Variants in MGST1 observed in about 807,000 individuals in gnomAD.
MGST1 encodes glutathione S-transferase 12.
MGST1 carries 5 observed loss-of-function variants against 8.9 expected under a neutral mutation model. The ratio of observed to expected loss-of-function variants is 0.56; its 90% CI spans 0.29 to 1.19. The LOEUF is 1.19. Among genes scored for constraint, MGST1 ranks in the 50% most tolerant of loss-of-function variants. MGST1 has a pLI of 0.08. For synonymous variants in MGST1, 54 were observed against 67.8 expected (o/e 0.80, Z 1.00); for missense variants, 182 against 187.4 (o/e 0.97, Z 0.17).
intron 4 of MGST1, among the ~76,000 whole-genome samples, chr12:16,575,642 C>G (rs564360704): frequency 6.6e-6 from 1 of 152,084 alleles, no homozygotes; most frequent in African/African-American, 2.4e-5. Flanking sequence ...TGTAATACAC[C>G]CAGCGTCACA....
At chr12:16,460,599 T>G (rs1358691107) in intron 4 of MGST1, among the ~76,000 whole-genome samples, 2 of 103,772 alleles carry the variant, frequency 1.9e-5, no homozygotes, top group African/African-American at 5.5e-5. Flanking sequence ...TCAGGTCAGT[T>G]TTTTTTTTTT....
chr12:16,505,927 C>T (rs1941535552), intron 4 of MGST1, among the ~76,000 whole-genome samples: 1 of 152,158 alleles, frequency 6.6e-6, no homozygotes, highest in South Asian at 2.1e-4. Flanking sequence ...CAGTCCTTGT[C>T]ATTTGTTGCC....
intron 1 of MGST1, among the ~76,000 whole-genome samples, chr12:16,392,897 T>C (rs564721807): frequency 3.9e-5 from 6 of 152,294 alleles, no homozygotes; most frequent in Non-Finnish European, 8.8e-5. Flanking sequence ...TGTATCTATC[T>C]AGAGGGACCT....
intron 1 of MGST1, among the ~76,000 whole-genome samples, chr12:16,411,529 T>A (rs957497489): frequency 6.6e-6 from 1 of 152,126 alleles, no homozygotes; most frequent in African/African-American, 2.4e-5. Flanking sequence ...TTAGTTTTCT[T>A]TAATAATATA....
chr12:16,374,199 T>C (rs568710204), intron 3 of MGST1, among the ~76,000 whole-genome samples: 2 of 152,268 alleles, frequency 1.3e-5, no homozygotes, highest in South Asian at 2.1e-4. Flanking sequence ...GAATATGCTA[T>C]GGCCAAATGA....
intron 3 of MGST1, chr12:16,370,242 C>T (rs1172005803): frequency 6.6e-6 from 1 of 152,090 alleles, no homozygotes; most frequent in African/African-American, 2.4e-5. Flanking sequence ...TTGGCCTTCT[C>T]CCTCTCATTT....
At chr12:16,399,924 C>A in intron 1 of MGST1, 1 of 1,288,042 alleles carries the variant, frequency 7.8e-7, no homozygotes, top group Non-Finnish European at 1.1e-6. Context: ...CATCCAATGT[C>A]ACCACAAAAG....
chr12:16,545,098 TG>T (rs1193097242), intron 4 of MGST1, among the ~76,000 whole-genome samples: 1 of 152,088 alleles, frequency 6.6e-6, no homozygotes, highest in African/African-American at 2.4e-5. Flanking sequence ...TGAGAATTTT[TG>T]TCTGTTTTTA....
At chr12:16,357,541 C>T (rs1939775338) in intron 2 of MGST1, 64 bp from the exon 3 acceptor site, 1 of 1,230,742 alleles carries the variant, frequency 8.1e-7, no homozygotes, top group Non-Finnish European at 1.2e-6. Flanking sequence ...GCTGGAATTA[C>T]AGGTGTGAGC....
chr12:16,365,401 T>C (rs1487549513), downstream of MGST1, among the ~76,000 whole-genome samples: 3 of 152,216 alleles, frequency 2.0e-5, no homozygotes, highest in African/African-American at 7.2e-5. Flanking sequence ...GCATTTTAAT[T>C]TTAAATATGT....
In MGST1 at chr12:16,431,787, G is replaced by C. The variant is rs569715220; in HGVS notation, n.779-5601G>C. The stretch of plus-strand genomic sequence containing the variant: ...GAAAATTATGTTGATAGACTTTTTT[G>C]ATGCAGGGTTTCTGCAAACATCCAA... On this transcript the variant is annotated intron_variant and non_coding_transcript_variant, in intron 1 of 1. Coordinates refer to the MGST1 transcript ENST00000359720. 3.3e-5 allele frequency among the ~76,000 whole-genome samples: 5 copies of C among 152,242 alleles called. No homozygotes were observed. In the East Asian group the frequency reaches 9.6e-4, roughly 29 times the overall value.
At chr12:16,421,708 T>G (rs554051414) in intron 1 of MGST1, among the ~76,000 whole-genome samples, 2 of 152,294 alleles carry the variant, frequency 1.3e-5, no homozygotes, top group East Asian at 3.9e-4. Flanking sequence ...TTTTCCTTTC[T>G]GTAAAGTGGG....
intron 4 of MGST1, among the ~76,000 whole-genome samples, chr12:16,472,949 A>G (rs1365436130): frequency 2.6e-5 from 4 of 152,184 alleles, no homozygotes; most frequent in Non-Finnish European, 5.9e-5. Flanking sequence ...TGCATTTTGT[A>G]GGCTAGCCTT....
At chr12:16,538,451 C>T (rs976440543) in intron 4 of MGST1, among the ~76,000 whole-genome samples, 19 of 152,122 alleles carry the variant, frequency 1.2e-4, no homozygotes, top group South Asian at 4.1e-4. Flanking sequence ...TTGTCAGGAA[C>T]GCCCCACTCT....
At chr12:16,493,037 C>G (rs972874882) in intron 4 of MGST1, among the ~76,000 whole-genome samples, 2 of 152,150 alleles carry the variant, frequency 1.3e-5, no homozygotes, top group Non-Finnish European at 2.9e-5. Flanking sequence ...TGTGAGTAGG[C>G]TAAGGCCAAT....
intron 4 of MGST1, among the ~76,000 whole-genome samples, chr12:16,480,875 C>G (rs984183213): frequency 1.3e-5 from 2 of 152,108 alleles, no homozygotes; most frequent in South Asian, 4.1e-4. Flanking sequence ...TGAGACCATT[C>G]TGGGCAACAT....
At position 16,458,486 on chromosome 12, in the gene MGST1, A is replaced by C. The variant is rs1386209890; in HGVS notation, n.482+74882A>C. Among the ~76,000 whole-genome samples, 1 of 152,048 alleles carries C rather than the reference A, an allele frequency of 6.6e-6. No individual in the cohort carries two copies. The highest frequency in any genetic ancestry group is 1.5e-5 in the Non-Finnish European group (1 of 67,972). On this transcript the variant is annotated intron_variant and non_coding_transcript_variant, in intron 4 of 4. Transcript: ENST00000538857. This position sits in a 1 kb window ranked among gnomAD's most constrained non-coding sequence, Gnocchi z 4.0. ...TCAATAAGCAGTCAGTCACATTAAC[A>C]ATGAAATAGGTCCATTAACATACGA...
At chr12:16,475,820 A>G (rs1428599139) in intron 4 of MGST1, among the ~76,000 whole-genome samples, 1 of 152,138 alleles carries the variant, frequency 6.6e-6, no homozygotes, top group Admixed American at 6.6e-5. Flanking sequence ...TTATTTACTG[A>G]GCATCTACTA....
At position 16,394,396 on chromosome 12, in the gene MGST1, CTCTT is replaced by C. The variant is rs751234596; in HGVS notation, n.778+10808_778+10811del. On this transcript the variant is annotated intron_variant and non_coding_transcript_variant, in intron 1 of 1. Transcript: ENST00000359720. The stretch of plus-strand genomic sequence containing the variant: ...TCTTTCTCTTTCTTTTTCTTTCTCT[CTCTT>C]TCTTTCTTTCTTTCTCACTCTCTTC... Among the ~76,000 whole-genome samples, 435 of 150,222 alleles carry C rather than the reference CTCTT, an allele frequency of 2.9e-3. 2 individuals carry two copies. The highest frequency in any genetic ancestry group is 7.6e-3 in the East Asian group (39 of 5,102).
Sources: gnomAD v4.1 joint callset for allele counts (sites outside exome capture counted in the v4.1 genomes callset) on GRCh38, gnomAD v4.1.1 for gene constraint, Gnocchi (gnomAD v3.1) non-coding constraint, MANE v1.5 for transcripts, NCBI Gene and HGNC (gene_info 2026-07-23, HGNC 2026-07-21) for gene names.